The following RAB2A variants were observed in gnomAD, a reference collection of about 807,000 sequenced individuals.
RAB2A encodes the protein RAB2A, member RAS oncogene family.
In RAB2A, 7 loss-of-function variants were observed where a neutral mutation model predicts 32.5. The observed-to-expected ratio is 0.22, with a 90% CI of 0.12 to 0.40. RAB2A has a LOEUF of 0.40. Ranked by LOEUF, RAB2A falls within the 10% of genes least tolerant of loss-of-function variation. The probability of loss-of-function intolerance (pLI) is 1.00; values close to 1 mark genes in which losing one functional copy is unlikely to be tolerated. For synonymous variants in RAB2A, 79 were observed against 85.2 expected (o/e 0.93, Z 0.40); for missense variants, 108 against 260.7 (o/e 0.41, Z 4.03).
chr8:60,535,520 ATCTC>A (rs1208555065), intron 1 of RAB2A, among the ~76,000 whole-genome samples: 2 of 152,106 alleles, frequency 1.3e-5, no homozygotes, highest in Admixed American at 6.5e-5. Context: ...CCACATATAA[ATCTC>A]TCATTTTTTA....
At chr8:60,542,951 A>C (rs1289840279) in intron 1 of RAB2A, among the ~76,000 whole-genome samples, 1 of 152,186 alleles carries the variant, frequency 6.6e-6, no homozygotes, top group Non-Finnish European at 1.5e-5. Context: ...TTGAATAACT[A>C]TCTCTTCTCT....
intron 6 of RAB2A, among the ~76,000 whole-genome samples, chr8:60,603,182 C>A (rs1214890377): frequency 6.6e-6 from 1 of 152,112 alleles, no homozygotes; most frequent in Admixed American, 6.5e-5. Context: ...GCACAGGGAA[C>A]CCTCTTAAAA....
chr8:60,557,433 T>C (rs1207329122), intron 1 of RAB2A, among the ~76,000 whole-genome samples: 2 of 152,260 alleles, frequency 1.3e-5, no homozygotes, highest in East Asian at 3.9e-4. Flanking sequence ...GGAGAATTGC[T>C]TGAACCTGGG....
chr8:60,579,397 T>TA (rs1415792859), intron 3 of RAB2A, among the ~76,000 whole-genome samples: 1 of 152,202 alleles, frequency 6.6e-6, no homozygotes, highest in Non-Finnish European at 1.5e-5. Context: ...CAAGAGAACT[T>TA]ACTGTCCACT....
intron 1 of RAB2A, among the ~76,000 whole-genome samples, chr8:60,522,657 T>C (rs1257120971): frequency 6.6e-6 from 1 of 152,124 alleles, no homozygotes; most frequent in African/African-American, 2.4e-5. Flanking sequence ...TATTTTAAGA[T>C]AGGAGAGACT....
chr8:60,564,550 A>G (rs1405950511), intron 2 of RAB2A, among the ~76,000 whole-genome samples: 2 of 151,906 alleles, frequency 1.3e-5, no homozygotes, highest in Non-Finnish European at 2.9e-5. Flanking sequence ...TCCCCCATGT[A>G]CAGATCTAGC....
At chr8:60,534,810 A>G (rs1274189703) in intron 1 of RAB2A, among the ~76,000 whole-genome samples, 1 of 152,202 alleles carries the variant, frequency 6.6e-6, no homozygotes, top group Non-Finnish European at 1.5e-5. Flanking sequence ...CCCTCTGGAT[A>G]TCTGCATTAA....
intron 2 of RAB2A, chr8:60,569,839 G>C: frequency 2.6e-6 from 1 of 382,532 alleles, no homozygotes; most frequent in Non-Finnish European, 5.2e-6. Context: ...TGAATAAAGA[G>C]ACGAACATAC....
chr8:60,593,870 A>G (rs1257472960), intron 6 of RAB2A, among the ~76,000 whole-genome samples: 1 of 152,218 alleles, frequency 6.6e-6, no homozygotes, highest in East Asian at 1.9e-4. Context: ...CAAACAAACA[A>G]TCTGAGCAAA....
intron 1 of RAB2A, 119 bp downstream of exon 1, chr8:60,517,372 C>T: frequency 2.0e-6 from 2 of 984,942 alleles, no homozygotes; most frequent in Non-Finnish European, 2.8e-6. Context: ...CTCCTGGCCG[C>T]GCCGCTCCAT....
Position 60,592,022 on chromosome 8 carries a change from T to C in RAB2A, c.474+53T>C. 2.8e-6 allele frequency: 3 copies of C among 1,060,686 alleles called. No individual in the cohort carries two copies. The South Asian group carries it at 4.6e-5, about 16-fold the overall frequency. The allele number at this position is 1,060,686 out of a possible 1,614,324, so 65.7% of individuals were successfully genotyped here. A position where few individuals can be genotyped will look rare whatever the true frequency, so the allele number is the denominator to read the frequency against. ...ATCTTTATACTTAATAGAAATGTTT[T>C]ATATATCTTCATTTTACTTATTATT... On this transcript the variant is annotated intron_variant, in intron 6 of 7. Transcript: ENST00000262646.
intron 2 of RAB2A, among the ~76,000 whole-genome samples, chr8:60,569,572 A>C (rs1332742844): frequency 6.6e-6 from 1 of 152,154 alleles, no homozygotes; most frequent in Non-Finnish European, 1.5e-5. Context: ...AAGCAGTGGC[A>C]CGATCATGGC....
At chr8:60,595,139 GAAGA>G (rs1804002442) in intron 6 of RAB2A, among the ~76,000 whole-genome samples, 1 of 152,074 alleles carries the variant, frequency 6.6e-6, no homozygotes, top group African/African-American at 2.4e-5. Context: ...TGAAATGATT[GAAGA>G]AAGAATCTTA....
intron 6 of RAB2A, among the ~76,000 whole-genome samples, chr8:60,605,248 G>A (rs1186611177): frequency 6.6e-6 from 1 of 152,230 alleles, no homozygotes; most frequent in Non-Finnish European, 1.5e-5. Flanking sequence ...TCCAAGAGTT[G>A]AGGCTTGGAA....
At chr8:60,583,140 G>T (rs1347637688) in intron 3 of RAB2A, among the ~76,000 whole-genome samples, 1 of 152,086 alleles carries the variant, frequency 6.6e-6, no homozygotes, top group South Asian at 2.1e-4. Context: ...AGCCGTCCAT[G>T]CGCATTCTGA....
intron 1 of RAB2A, among the ~76,000 whole-genome samples, chr8:60,528,746 A>G (rs1586062669): frequency 6.6e-6 from 1 of 152,126 alleles, no homozygotes; most frequent in African/African-American, 2.4e-5. Flanking sequence ...CTTATGATTT[A>G]TCTTGTTTAA....
chr8:60,620,966 T>A lies in RAB2A; in HGVS notation c.*197T>A. 2.0e-6 allele frequency: 1 copy of A among 509,562 alleles called. No homozygotes were observed. The highest frequency in any genetic ancestry group is 3.8e-5 in the Admixed American group (1 of 26,438). 31.6% of individuals were successfully genotyped at this position (509,562 alleles called of 1,614,324 possible). ...AGACAGATTTTGGAGATTGTATTCA[T>A]ATCTATTTGCATTTGATTTCTAGGT... On this transcript the variant is annotated 3_prime_UTR_variant, in exon 8 of 8. Transcript: ENST00000262646.
chr8:60,517,760 G>A (rs576239827), intron 1 of RAB2A, among the ~76,000 whole-genome samples: 7 of 152,186 alleles, frequency 4.6e-5, no homozygotes, highest in South Asian at 2.1e-4. Context: ...ACAGGCAGCC[G>A]AGAAAGAGAA....
intron 1 of RAB2A, among the ~76,000 whole-genome samples, chr8:60,526,051 A>C (rs1054353836): frequency 8.2e-6 from 1 of 121,356 alleles, no homozygotes; most frequent in African/African-American, 3.4e-5. Flanking sequence ...ATATATATAT[A>C]TATATAAGTT....
Sources: gnomAD v4.1 joint callset for allele counts (sites outside exome capture counted in the v4.1 genomes callset) on GRCh38, gnomAD v4.1.1 for gene constraint, MANE v1.5 for transcripts, NCBI Gene and HGNC (gene_info 2026-07-23, HGNC 2026-07-21) for gene names.